Variants in HCN1 observed in about 807,000 individuals in gnomAD.
HCN1 encodes potassium/sodium hyperpolarization-activated cyclic nucleotide-gated channel 1.
A neutral mutation model predicts 78.9 loss-of-function variants in HCN1; 13 were observed. That is an observed-to-expected ratio of 0.16 (90% CI 0.11 to 0.26). The LOEUF (loss-of-function observed/expected upper bound fraction) is 0.26. HCN1 is among the 10% of genes least tolerant of loss of function. HCN1 has a pLI of 1.00. For synonymous variants in HCN1, 552 were observed against 455.5 expected, an observed-to-expected ratio of 1.21 and a Z score of -2.70; for missense variants, 810 against 1,154.3, an observed-to-expected ratio of 0.70 and a Z score of 4.32.
At chr5:45,280,212 C>A (rs963372268) in intron 6 of HCN1, among the ~76,000 whole-genome samples, 2 of 152,102 alleles carry the variant, frequency 1.3e-5, no homozygotes, top group Non-Finnish European at 2.9e-5. Context: ...TGTATATTTA[C>A]TTACTATTTT....
chr5:45,367,517 T>C (rs1266516807), intron 4 of HCN1, among the ~76,000 whole-genome samples: 2 of 151,852 alleles, frequency 1.3e-5, no homozygotes, highest in Non-Finnish European at 2.9e-5. Flanking sequence ...AGCATAACCA[T>C]GATGCATGAT....
In HCN1 at chr5:45,396,712, T is replaced by C; in HGVS notation, c.1012-2A>G. On this transcript the variant is annotated splice_acceptor_variant, in intron 3 of 7. Coordinates refer to ENST00000303230, the MANE Select transcript of HCN1 (RefSeq NM_021072.4). LOFTEE classifies it high-confidence loss of function. ...ATACTGCTTTCCCCAAGAATCATTC[T>C]GCAACATAAGATAAAAAGAAAATTG... is the stretch of plus-strand genomic sequence containing the variant. 6.2e-7 allele frequency: 1 copy of C among 1,612,404 alleles called. No individual in the cohort carries two copies. The highest frequency in any genetic ancestry group is 8.5e-7 in the Non-Finnish European group (1 of 1,178,630).
intron 2 of HCN1, among the ~76,000 whole-genome samples, chr5:45,639,330 A>G (rs1745411988): frequency 6.6e-6 from 1 of 152,198 alleles, no homozygotes; most frequent in Non-Finnish European, 1.5e-5. Context: ...TGTTGGTGTC[A>G]GTAGATGTGC....
At chr5:45,645,102 A>G in intron 2 of HCN1, 83 bp downstream of exon 2, 3 of 1,004,668 alleles carry the variant, frequency 3.0e-6, no homozygotes, top group Non-Finnish European at 4.5e-6. Flanking sequence ...AACTCATTAC[A>G]CATTGCACAG....
chr5:45,413,423 A>G (rs1740061866), intron 3 of HCN1, among the ~76,000 whole-genome samples: 4 of 152,130 alleles, frequency 2.6e-5, no homozygotes, highest in Non-Finnish European at 5.9e-5. Context: ...AGAATAAATA[A>G]TAGCAATACG....
At chr5:45,279,348 C>G (rs576264020) in intron 6 of HCN1, among the ~76,000 whole-genome samples, 1 of 152,274 alleles carries the variant, frequency 6.6e-6, no homozygotes, top group South Asian at 2.1e-4. Context: ...CAAAGCTTAA[C>G]TGAGGTGTGA....
chr5:45,570,039 A>G (rs1264887412), intron 2 of HCN1, among the ~76,000 whole-genome samples: 1 of 152,142 alleles, frequency 6.6e-6, no homozygotes, highest in African/African-American at 2.4e-5. Flanking sequence ...TATTTGCCAG[A>G]TTATCTAAAA....
intron 2 of HCN1, among the ~76,000 whole-genome samples, chr5:45,504,197 T>C (rs367862863): frequency 2.6e-4 from 40 of 152,170 alleles, no homozygotes; most frequent in Admixed American, 1.2e-3. Flanking sequence ...GTGTGCTGCA[T>C]CCATTAACTC....
At chr5:45,496,128 G>A (rs1272108600) in intron 2 of HCN1, among the ~76,000 whole-genome samples, 1 of 152,018 alleles carries the variant, frequency 6.6e-6, no homozygotes, top group Non-Finnish European at 1.5e-5. Flanking sequence ...AATGAGTTAG[G>A]GAGGATTCCC....
chr5:45,593,324 T>TCTCTCC (rs1554034725), intron 2 of HCN1, among the ~76,000 whole-genome samples: 100 of 119,046 alleles, frequency 8.4e-4, no homozygotes, highest in African/African-American at 3.4e-3. Context: ...TCTCTCTCCC[T>TCTCTCC]CTCTCTCTCT....
chr5:45,659,227 AC>A (rs1312787345), intron 1 of HCN1, among the ~76,000 whole-genome samples: 1 of 144,870 alleles, frequency 6.9e-6, no homozygotes, highest in East Asian at 2.1e-4. Flanking sequence ...ATTCTAACAG[AC>A]CTGCAGCTGA....
At chr5:45,278,499 AT>A (rs1344886312) in intron 6 of HCN1, among the ~76,000 whole-genome samples, 2 of 152,148 alleles carry the variant, frequency 1.3e-5, no homozygotes, top group East Asian at 1.9e-4. Context: ...ATATCTGTTG[AT>A]TTTTTTCCCA....
intron 5 of HCN1, among the ~76,000 whole-genome samples, chr5:45,310,471 T>G (rs1252554169): frequency 6.6e-6 from 1 of 152,128 alleles, no homozygotes; most frequent in Non-Finnish European, 1.5e-5. Flanking sequence ...TGATATACCA[T>G]CTCACATCAG....
intron 4 of HCN1, among the ~76,000 whole-genome samples, chr5:45,365,939 C>T (rs138735632): frequency 2.7e-3 from 411 of 151,840 alleles, no homozygotes; most frequent in Non-Finnish European, 4.2e-3. Flanking sequence ...ACTTAAATGA[C>T]CTCCCATTTA....
intron 3 of HCN1, among the ~76,000 whole-genome samples, chr5:45,410,896 G>C (rs185186666): frequency 6.6e-6 from 1 of 151,984 alleles, no homozygotes; most frequent in Non-Finnish European, 1.5e-5. Flanking sequence ...TAGCATTGAC[G>C]TCTAAATCCA....
intron 3 of HCN1, among the ~76,000 whole-genome samples, chr5:45,422,718 T>A (rs527861604): frequency 6.6e-6 from 1 of 152,294 alleles, no homozygotes; most frequent in African/African-American, 2.4e-5. Context: ...CAGCAATAGT[T>A]TTTTTATTCA....
chr5:45,362,288 T>A (rs942368892), intron 4 of HCN1, among the ~76,000 whole-genome samples: 5 of 152,014 alleles, frequency 3.3e-5, no homozygotes, highest in African/African-American at 4.8e-5. Context: ...TCCATTTTTT[T>A]AAATTGGACC....
At chr5:45,519,542 G>A (rs1742575171) in intron 2 of HCN1, among the ~76,000 whole-genome samples, 1 of 151,968 alleles carries the variant, frequency 6.6e-6, no homozygotes, top group Non-Finnish European at 1.5e-5. Context: ...CAAGCAGTGA[G>A]TATTGTGTTT....
chr5:45,463,284 T>C (rs891035534), intron 2 of HCN1, among the ~76,000 whole-genome samples: 9 of 152,122 alleles, frequency 5.9e-5, no homozygotes, highest in East Asian at 1.9e-4. Flanking sequence ...TTTGCTTTTA[T>C]AAAATAACCA....
Sources: gnomAD v4.1 joint callset for allele counts (sites outside exome capture counted in the v4.1 genomes callset) on GRCh38, gnomAD v4.1.1 for gene constraint, MANE v1.5 for transcripts, NCBI Gene and HGNC (gene_info 2026-07-23, HGNC 2026-07-21) for gene names.